The following NEGR1 variants were observed in gnomAD, a reference collection of about 807,000 sequenced individuals.
NEGR1 encodes neuronal growth regulator 1, also known as IgLON family member 4.
A neutral mutation model predicts 40.9 loss-of-function variants in NEGR1; 10 were observed. That is an observed-to-expected ratio of 0.24 (90% CI 0.15 to 0.42). NEGR1 has a LOEUF of 0.42. NEGR1 is among the 10% of genes least tolerant of loss of function. The pLI is 1.00. For missense variants in NEGR1, 352 were observed against 438.9 expected (o/e 0.80, Z 1.77); for synonymous variants, 185 against 166.8 (o/e 1.11, Z -0.84).
chr1:71,730,582 T>C (rs1654828525), intron 3 of NEGR1, among the ~76,000 whole-genome samples: 2 of 146,430 alleles, frequency 1.4e-5, no homozygotes, highest in African/African-American at 5.0e-5. Flanking sequence ...TATATATATA[T>C]ATATATATAT....
In NEGR1 at chr1:71,963,600, C is replaced by T. The variant is rs371768846; in HGVS notation, c.177-28289G>A. On this transcript the variant is annotated intron_variant, in intron 1 of 6. Transcript: ENST00000357731. The stretch of plus-strand genomic sequence containing the variant: ...AAGTAACACTCTCACCATTCCTTTG[C>T]TCATGGGAATATTTTTATATATTTT... 7.9e-5 allele frequency among the ~76,000 whole-genome samples: 12 copies of T among 152,206 alleles called. No individual in the cohort carries two copies. In the East Asian group the frequency reaches 2.1e-3, roughly 27 times the overall value.
intron 1 of NEGR1, among the ~76,000 whole-genome samples, chr1:72,152,313 C>T (rs1430466156): frequency 1.3e-5 from 2 of 151,610 alleles, no homozygotes. Flanking sequence ...AATTAAATAA[C>T]AAAAATACTA....
At chr1:71,937,134 A>G (rs1357202791) in intron 1 of NEGR1, among the ~76,000 whole-genome samples, 7 of 152,214 alleles carry the variant, frequency 4.6e-5, no homozygotes, top group South Asian at 2.1e-4. Context: ...AACAAGGTAC[A>G]TTGCAGAATC....
chr1:71,528,736 T>C (rs1330249743), intron 6 of NEGR1, among the ~76,000 whole-genome samples: 2 of 151,242 alleles, frequency 1.3e-5, no homozygotes, highest in Non-Finnish European at 3.0e-5. Flanking sequence ...TTTGATGATA[T>C]AGCTGTAGGC....
chr1:71,503,618 C>T (rs1647013005), intron 6 of NEGR1, among the ~76,000 whole-genome samples: 1 of 152,076 alleles, frequency 6.6e-6, no homozygotes, highest in Non-Finnish European at 1.5e-5. Flanking sequence ...AGCATGTTGC[C>T]CCTTAGGGAA....
intron 6 of NEGR1, among the ~76,000 whole-genome samples, chr1:71,427,990 T>A (rs991424532): frequency 4.4e-5 from 1 of 22,868 alleles, no homozygotes; most frequent in Non-Finnish European, 1.2e-4. Flanking sequence ...GAGAGGCTGA[T>A]AACACACTCA....
intron 3 of NEGR1, among the ~76,000 whole-genome samples, chr1:71,726,869 G>GA (rs369569929): frequency 2.0e-5 from 3 of 150,350 alleles, no homozygotes; most frequent in Admixed American, 6.6e-5. Flanking sequence ...TTCCACAGAA[G>GA]AAAAAAAAAT....
intron 3 of NEGR1, among the ~76,000 whole-genome samples, chr1:71,744,671 C>T (rs544071871): frequency 1.4e-4 from 22 of 152,076 alleles, no homozygotes; most frequent in African/African-American, 3.9e-4. Flanking sequence ...ATGTAGACAC[C>T]ATCTGAGAAC....
At chr1:72,052,304 G>C (rs17580974) in intron 1 of NEGR1, among the ~76,000 whole-genome samples, 58,399 of 151,038 alleles carry the variant, frequency 0.39, 12,526 homozygotes, top group Non-Finnish European at 0.49. Context: ...TTGCTGATTT[G>C]GCTTTAAAAT....
At chr1:71,566,398 A>G (rs1450638898) in intron 6 of NEGR1, among the ~76,000 whole-genome samples, 1 of 151,836 alleles carries the variant, frequency 6.6e-6, no homozygotes, top group Admixed American at 6.6e-5. Context: ...AACTAGAAAT[A>G]AAATTCTTAG....
chr1:72,226,032 A>C (rs920683339), intron 1 of NEGR1, among the ~76,000 whole-genome samples: 15 of 151,894 alleles, frequency 9.9e-5, no homozygotes, highest in African/African-American at 3.6e-4. Flanking sequence ...AAATAAATAA[A>C]TTTATGGTTT....
chr1:72,234,071 T>G (rs184133686), intron 1 of NEGR1, among the ~76,000 whole-genome samples: 12 of 152,260 alleles, frequency 7.9e-5, no homozygotes, highest in Non-Finnish European at 1.5e-4. Context: ...ATACAAAGTA[T>G]TCGCTTACCC....
chr1:71,928,463 T>TATATATGTATATATACAC (rs1332226901), intron 2 of NEGR1, among the ~76,000 whole-genome samples: 6 of 110,080 alleles, frequency 5.5e-5, no homozygotes, highest in East Asian at 2.4e-4. Flanking sequence ...TATACACACA[T>TATATATGTATATATACAC]ACTTATATAT....
At chr1:71,625,413 C>T (rs1650741240) in intron 4 of NEGR1, among the ~76,000 whole-genome samples, 1 of 151,772 alleles carries the variant, frequency 6.6e-6, no homozygotes, top group African/African-American at 2.4e-5. Flanking sequence ...AATAAAGCTA[C>T]AACTAAAAAC....
At chr1:71,551,085 C>T (rs1163338200) in intron 6 of NEGR1, among the ~76,000 whole-genome samples, 1 of 151,520 alleles carries the variant, frequency 6.6e-6, no homozygotes, top group Non-Finnish European at 1.5e-5. Flanking sequence ...ACTTAAATAA[C>T]ATTGCATATT....
intron 2 of NEGR1, among the ~76,000 whole-genome samples, chr1:71,825,058 T>C (rs376034048): frequency 7.2e-5 from 11 of 152,088 alleles, no homozygotes; most frequent in African/African-American, 2.4e-4. Context: ...TTTTCAACTT[T>C]ATAAGAAACT....
intron 2 of NEGR1, among the ~76,000 whole-genome samples, chr1:71,777,860 T>C (rs962370554): frequency 2.0e-5 from 3 of 152,156 alleles, no homozygotes; most frequent in African/African-American, 7.2e-5. Flanking sequence ...CTGTAACTGT[T>C]TCCAAATGAC....
chr1:71,580,707 G>C (rs1401664835), intron 6 of NEGR1, among the ~76,000 whole-genome samples: 1 of 152,134 alleles, frequency 6.6e-6, no homozygotes, highest in African/African-American at 2.4e-5. Context: ...CCTACCAGGA[G>C]CCAGGCACTT....
chr1:71,697,855 C>T, intron 4 of NEGR1, 153 bp downstream of exon 4: 1 of 656,592 alleles, frequency 1.5e-6, no homozygotes. Context: ...CCAATTTAAC[C>T]AACATTTCAA....
Sources: allele counts gnomAD v4.1 joint callset (sites outside exome capture counted in the v4.1 genomes callset), GRCh38; gene constraint gnomAD v4.1.1; transcripts MANE v1.5; gene names NCBI Gene and HGNC (gene_info 2026-07-23, HGNC 2026-07-21).